ATP8A1: variants seen among roughly 807,000 people sequenced by gnomAD.
ATP8A1 encodes phospholipid-transporting ATPase IA.
Under a neutral mutation model 177.7 loss-of-function variants are expected in ATP8A1, and 90 were observed. The observed-to-expected ratio is 0.51, with a 90% CI of 0.43 to 0.60. The LOEUF is 0.60. ATP8A1 is among the 20% of genes least tolerant of loss of function. The pLI, the probability that ATP8A1 is intolerant of heterozygous loss-of-function variation, is 0.00. For missense variants in ATP8A1, 1,072 were observed against 1,392.8 expected (o/e 0.77, Z 3.67); for synonymous variants, 493 against 485.9 (o/e 1.01, Z -0.19).
chr4:42,489,673 GC>G (rs1176943426), intron 24 of ATP8A1, among the ~76,000 whole-genome samples: 8 of 152,124 alleles, frequency 5.3e-5, no homozygotes, highest in Non-Finnish European at 1.2e-4. Context: ...CTTATTTACT[GC>G]CGGGAGTATT....
In ATP8A1 at chr4:42,464,707, C is replaced by T; in HGVS notation, c.2602G>A (p.Val868Met). The T allele has an allele frequency of 1.2e-6, 2 of 1,604,504 alleles. No homozygotes were observed. Among genetic ancestry groups the T allele is most frequent in the Non-Finnish European group, 1.7e-6 (2 of 1,172,006 alleles). The change falls in exon 27 of 37, where the codon GTG (valine) becomes ATG (methionine). Residue 868 changes from valine (V) to methionine (M), a missense_variant. Transcript: ENST00000381668. ...GCTATTACCTCGATAATATAGAGCA[C>T]TATATTCTTGTAGAAGCAGTATAAG... ...CILYCFYKNI[V>M]LYIIEIWFAF...
At chr4:42,631,597 C>A (rs924135366) in intron 1 of ATP8A1, among the ~76,000 whole-genome samples, 2 of 152,146 alleles carry the variant, frequency 1.3e-5, no homozygotes, top group Non-Finnish European at 2.9e-5. Flanking sequence ...AATATCTTGA[C>A]AATGAGGCCA....
At chr4:42,643,552 A>G (rs1740219417) in intron 1 of ATP8A1, among the ~76,000 whole-genome samples, 1 of 152,102 alleles carries the variant, frequency 6.6e-6, no homozygotes, top group South Asian at 2.1e-4. Context: ...TCTTCTAGTT[A>G]TATTCTGAAT....
rs28375678 is a variant in ATP8A1, at chr4:42,458,185, G to A, written c.2620-2586C>T. 8.2e-3 allele frequency among the ~76,000 whole-genome samples: 1,242 copies of A among 151,070 alleles called. 16 individuals are homozygous for A. Among genetic ancestry groups the A allele is most frequent in the Middle Eastern group, 0.041 (12 of 294 alleles). On this transcript the variant is annotated intron_variant, in intron 27 of 36. Transcript: ENST00000381668. ...GTAGTTAATATTGGGAACATATCCCGTGCAAAATAAAACAACATCTAAATT... is the reference window on the plus strand; with the variant it reads ...GTAGTTAATATTGGGAACATATCCCATGCAAAATAAAACAACATCTAAATT...
intron 16 of ATP8A1, among the ~76,000 whole-genome samples, chr4:42,555,167 T>TATCC (rs1553903442): frequency 8.0e-5 from 11 of 137,434 alleles, no homozygotes; most frequent in African/African-American, 3.3e-4. Flanking sequence ...TCTATCTATC[T>TATCC]ATCTATCTAT....
chr4:42,565,636 T>C (rs553296591), intron 15 of ATP8A1, among the ~76,000 whole-genome samples: 1 of 152,232 alleles, frequency 6.6e-6, no homozygotes, highest in Non-Finnish European at 1.5e-5. Context: ...TATTAAACAG[T>C]TGAGAAAAAA....
intron 22 of ATP8A1, among the ~76,000 whole-genome samples, chr4:42,521,162 C>G (rs1159509124): frequency 6.6e-6 from 1 of 152,194 alleles, no homozygotes; most frequent in Non-Finnish European, 1.5e-5. Flanking sequence ...CCGCAGCGGA[C>G]AGGCTAGTTT....
intron 7 of ATP8A1, among the ~76,000 whole-genome samples, chr4:42,589,257 T>A (rs1372325314): frequency 6.6e-6 from 1 of 152,224 alleles, no homozygotes; most frequent in East Asian, 1.9e-4. Flanking sequence ...CTAATCTAAT[T>A]AATGCTTGGT....
At position 42,565,505 on chromosome 4, in the gene ATP8A1, T is replaced by C. The variant is rs77892752; in HGVS notation, c.1340+3656A>G. ...AGTGTAGTACTATCCACTGATAGTGTGATAATACTAAAAACCCCAGTGAAA... is the reference window on the plus strand; with the variant it reads ...AGTGTAGTACTATCCACTGATAGTGCGATAATACTAAAAACCCCAGTGAAA... On this transcript the variant is annotated intron_variant, in intron 15 of 36. Coordinates refer to ENST00000381668, the MANE Select transcript of ATP8A1 (RefSeq NM_006095.2). 7.9e-3 allele frequency among the ~76,000 whole-genome samples: 1,199 copies of C among 152,322 alleles called. 14 individuals carry two copies. The highest frequency in any genetic ancestry group is 0.027 in the African/African-American group (1,119 of 41,564).
intron 1 of ATP8A1, among the ~76,000 whole-genome samples, chr4:42,636,156 A>ACACGCGCGCGTGCGCG (rs565139270): frequency 1.8e-4 from 16 of 90,898 alleles, no homozygotes; most frequent in Non-Finnish European, 7.9e-5. Flanking sequence ...ACACACACAC[A>ACACGCGCGCGTGCGCG]CGCACACACA....
chr4:42,536,543 C>T (rs1435299718), intron 20 of ATP8A1, among the ~76,000 whole-genome samples: 1 of 152,168 alleles, frequency 6.6e-6, no homozygotes, highest in African/African-American at 2.4e-5. Flanking sequence ...TGGTACCAAT[C>T]CTATTGACAC....
chr4:42,563,013 A>T (rs1241908627), intron 15 of ATP8A1, among the ~76,000 whole-genome samples: 1 of 152,244 alleles, frequency 6.6e-6, no homozygotes, highest in Admixed American at 6.5e-5. Flanking sequence ...GGCACCGCTG[A>T]AAAGATACCC....
intron 25 of ATP8A1, among the ~76,000 whole-genome samples, chr4:42,465,314 A>G (rs1471295379): frequency 2.6e-5 from 4 of 152,250 alleles, no homozygotes. Context: ...CATCTAGAAG[A>G]GAGAATGCTT....
intron 31 of ATP8A1, among the ~76,000 whole-genome samples, 183 bp from the exon 32 acceptor site, chr4:42,444,817 A>G (rs1348721407): frequency 6.6e-6 from 1 of 152,168 alleles, no homozygotes; most frequent in African/African-American, 2.4e-5. Context: ...CGGGACTGTG[A>G]TAGGTCAGAG....
intron 5 of ATP8A1, among the ~76,000 whole-genome samples, chr4:42,612,019 A>G (rs1308082075): frequency 6.6e-6 from 1 of 152,206 alleles, no homozygotes; most frequent in Non-Finnish European, 1.5e-5. Context: ...TGCTTTGAGT[A>G]ATGAAAGGGA....
At chr4:42,578,624 A>T (rs1398054336) in intron 11 of ATP8A1, among the ~76,000 whole-genome samples, 1 of 152,182 alleles carries the variant, frequency 6.6e-6, no homozygotes, top group East Asian at 1.9e-4. Context: ...CAGTGAAAGG[A>T]CTGTCAAATA....
chr4:42,600,488 T>G lies in ATP8A1; in HGVS notation c.440A>C (p.His147Pro). 1 of 1,610,916 alleles carries G rather than the reference T, an allele frequency of 6.2e-7. No individual in the cohort carries two copies. The highest frequency in any genetic ancestry group is 2.2e-5 in the East Asian group (1 of 44,608). Residue 147 changes from histidine to proline, a missense_variant, in exon 6 of 37, where the codon CAC becomes CCC. By Grantham distance (77) the His-to-Pro change is moderately conservative (BLOSUM62 -2). Transcript: ENST00000381668. ...AAAATCAGTGCATACCTTTTCCCAG[T>G]GGACAATTTCCCAAGCACCATTTCT... The part of the protein sequence containing the change: ...VLRNGAWEIV[H>P]WEKVAVGEIV...
intron 5 of ATP8A1, among the ~76,000 whole-genome samples, chr4:42,611,794 A>G (rs1736402253): frequency 6.6e-6 from 1 of 152,276 alleles, no homozygotes; most frequent in African/African-American, 2.4e-5. Flanking sequence ...GCATATTAGA[A>G]TAACAATTAT....
At chr4:42,616,099 G>T (rs1560522723) in intron 4 of ATP8A1, 21 bp from the exon 5 acceptor site, 2 of 1,602,628 alleles carry the variant, frequency 1.2e-6, no homozygotes, top group Non-Finnish European at 1.7e-6. Flanking sequence ...AAAGCAAAAA[G>T]AACAACTGTG....
Sources: allele counts gnomAD v4.1 joint callset (sites outside exome capture counted in the v4.1 genomes callset), GRCh38; gene constraint gnomAD v4.1.1; transcripts MANE v1.5; gene names NCBI Gene and HGNC (gene_info 2026-07-23, HGNC 2026-07-21).